Variants in TTLL11 observed in about 807,000 individuals in gnomAD.
TTLL11 encodes tubulin tyrosine ligase like 11.
Under a neutral mutation model 51.7 loss-of-function variants are expected in TTLL11, and 42 were observed. The ratio of observed to expected loss-of-function variants is 0.81; its 90% CI spans 0.64 to 1.05. The LOEUF is 1.05. Ranked by LOEUF, TTLL11 falls within the 50% of genes least tolerant of loss-of-function variation. TTLL11 has a pLI of 0.00. For missense variants in TTLL11, 799 were observed against 940.4 expected, an observed-to-expected ratio of 0.85 and a Z score of 1.97; for synonymous variants, 381 against 383.5, an observed-to-expected ratio of 0.99 and a Z score of 0.08.
intron 6 of TTLL11, among the ~76,000 whole-genome samples, chr9:121,934,370 G>A (rs1303774700): frequency 6.6e-6 from 1 of 152,166 alleles, no homozygotes; most frequent in Non-Finnish European, 1.5e-5. Context: ...TCTTCCGAAT[G>A]TTGTGCATTT....
At chr9:121,907,768 T>C (rs984139059) in intron 6 of TTLL11, among the ~76,000 whole-genome samples, 1 of 152,208 alleles carries the variant, frequency 6.6e-6, no homozygotes. Context: ...CTGTCATATC[T>C]GTGGTGGCTC....
At chr9:121,825,449 A>G (rs1346638311) in intron 8 of TTLL11, among the ~76,000 whole-genome samples, 2 of 152,192 alleles carry the variant, frequency 1.3e-5, no homozygotes, top group African/African-American at 4.8e-5. Context: ...GTCCTCATCA[A>G]TCACATTGTT....
intron 3 of TTLL11, among the ~76,000 whole-genome samples, chr9:121,994,601 C>A (rs1212731251): frequency 6.6e-6 from 1 of 152,046 alleles, no homozygotes; most frequent in Non-Finnish European, 1.5e-5. Context: ...AGAGCCCATG[C>A]CAGAATGAAT....
chr9:121,877,686 C>A (rs960849990), intron 6 of TTLL11, among the ~76,000 whole-genome samples: 1 of 152,094 alleles, frequency 6.6e-6, no homozygotes, highest in African/African-American at 2.4e-5. Context: ...ATACTATGTG[C>A]CAGGAACTGC....
At chr9:122,022,683 T>C (rs1844215768) in intron 3 of TTLL11, among the ~76,000 whole-genome samples, 1 of 151,972 alleles carries the variant, frequency 6.6e-6, no homozygotes, top group African/African-American at 2.4e-5. Context: ...AATGTGAATC[T>C]ACACAAAAAA....
At chr9:122,081,032 A>G (rs1478009170) in intron 1 of TTLL11, among the ~76,000 whole-genome samples, 1 of 152,254 alleles carries the variant, frequency 6.6e-6, no homozygotes, top group Non-Finnish European at 1.5e-5. Context: ...TGGTAGGACT[A>G]TAAATGTTTT....
Position 122,031,715 on chromosome 9 carries a change from C to A in TTLL11, c.693+8G>T. 2 of 1,611,850 alleles carry A rather than the reference C, an allele frequency of 1.2e-6. No individual in the cohort carries two copies. Among genetic ancestry groups the A allele is most frequent in the South Asian group, 2.2e-5 (2 of 90,910 alleles). ...ATTCAGGGGTCATGGGGACGGAGTG[C>A]CATCTACCTGAGCAACAAAGAGCTG... On this transcript the variant is annotated splice_region_variant and intron_variant, in intron 3 of 8. Coordinates refer to ENST00000321582, the MANE Select transcript of TTLL11 (RefSeq NM_001139442.2).
chr9:121,874,686 T>C, intron 6 of TTLL11, among the ~76,000 whole-genome samples: 1 of 152,282 alleles, frequency 6.6e-6, no homozygotes, highest in East Asian at 1.9e-4. Flanking sequence ...TAGTGTCACA[T>C]GGTCTGTCAT....
intron 3 of TTLL11, among the ~76,000 whole-genome samples, chr9:121,999,872 G>C (rs1247153898): frequency 1.3e-5 from 2 of 152,172 alleles, no homozygotes; most frequent in African/African-American, 4.8e-5. Context: ...TTTATACCCT[G>C]GGGAGCCAGG....
At chr9:122,009,041 G>A (rs1038405830) in intron 3 of TTLL11, among the ~76,000 whole-genome samples, 8 of 152,186 alleles carry the variant, frequency 5.3e-5, no homozygotes, top group Non-Finnish European at 1.2e-4. Context: ...TAGGGGCATT[G>A]GGGAGCTATT....
chr9:121,874,779 C>G (rs1237097064), intron 6 of TTLL11, among the ~76,000 whole-genome samples: 3 of 141,776 alleles, frequency 2.1e-5, no homozygotes, highest in Non-Finnish European at 4.6e-5. Context: ...TTTTTTGAGA[C>G]AGAGACTTGT....
chr9:121,991,477 A>T (rs1843110798), intron 3 of TTLL11, among the ~76,000 whole-genome samples: 1 of 152,206 alleles, frequency 6.6e-6, no homozygotes, highest in East Asian at 1.9e-4. Flanking sequence ...CAACCAAAGC[A>T]TTCGTACACT....
intron 1 of TTLL11, among the ~76,000 whole-genome samples, chr9:122,078,417 A>G (rs1377655091): frequency 6.6e-6 from 1 of 152,306 alleles, no homozygotes; most frequent in African/African-American, 2.4e-5. Flanking sequence ...AAGGATACGT[A>G]AAAAGGTAGC....
intron 1 of TTLL11, among the ~76,000 whole-genome samples, chr9:122,066,474 C>T (rs1397243136): frequency 1.3e-5 from 2 of 152,020 alleles, no homozygotes; most frequent in South Asian, 2.1e-4. Context: ...GTGGAGACCA[C>T]GGAAAGATGG....
chr9:121,883,611 C>T (rs1838882726), intron 6 of TTLL11, among the ~76,000 whole-genome samples: 1 of 152,166 alleles, frequency 6.6e-6, no homozygotes, highest in Non-Finnish European at 1.5e-5. Context: ...TAACTTTTTA[C>T]TTTATGCAAT....
chr9:122,024,907 T>TAA (rs55798987), intron 3 of TTLL11, among the ~76,000 whole-genome samples: 1 of 152,076 alleles, frequency 6.6e-6, no homozygotes, highest in Non-Finnish European at 1.5e-5. Flanking sequence ...CATGATCTAT[T>TAA]AAAAAATTGA....
chr9:121,969,132 A>G (rs1842490157), intron 6 of TTLL11, among the ~76,000 whole-genome samples: 1 of 152,174 alleles, frequency 6.6e-6, no homozygotes, highest in Non-Finnish European at 1.5e-5. Context: ...GGCCTCCCAA[A>G]GTGCTGGGAT....
At chr9:121,901,739 G>A (rs1178797061) in intron 6 of TTLL11, among the ~76,000 whole-genome samples, 1 of 152,064 alleles carries the variant, frequency 6.6e-6, no homozygotes, top group African/African-American at 2.4e-5. Context: ...TTCCCTCATT[G>A]TTGGGTCTCT....
At chr9:121,858,057 G>A (rs1588074449) in intron 8 of TTLL11, among the ~76,000 whole-genome samples, 3 of 152,262 alleles carry the variant, frequency 2.0e-5, no homozygotes, top group South Asian at 2.1e-4. Flanking sequence ...GCCGCTGCTC[G>A]ATTGTCACAT....
Sources: gnomAD v4.1 joint callset for allele counts (sites outside exome capture counted in the v4.1 genomes callset) on GRCh38, gnomAD v4.1.1 for gene constraint, MANE v1.5 for transcripts, NCBI Gene and HGNC (gene_info 2026-07-23, HGNC 2026-07-21) for gene names.